IL21R: variants seen among roughly 807,000 people sequenced by gnomAD.
The protein encoded by IL21R is interleukin 21 receptor.
IL21R carries 14 observed loss-of-function variants against 41.3 expected under a neutral mutation model. The ratio of observed to expected loss-of-function variants is 0.34; its 90% CI spans 0.22 to 0.53. IL21R has a LOEUF of 0.53. Among genes scored for constraint, IL21R ranks in the 20% least tolerant of loss-of-function variants. IL21R has a pLI of 0.94. For synonymous variants in IL21R, 286 were observed against 287.6 expected (o/e 0.99, Z 0.05); for missense variants, 588 against 681.6 (o/e 0.86, Z 1.53).
intron 1 of IL21R, among the ~76,000 whole-genome samples, chr16:27,421,761 G>A (rs1267728554): frequency 6.6e-6 from 1 of 151,966 alleles, no homozygotes; most frequent in Non-Finnish European, 1.5e-5. Context: ...TTCGTTTTAG[G>A]TGTAAATTCC....
intron 5 of IL21R, 104 bp from the exon 6 acceptor site, chr16:27,444,438 A>T: frequency 1.4e-6 from 1 of 727,312 alleles, no homozygotes; most frequent in South Asian, 2.9e-5. Context: ...GAGAAGAGAC[A>T]CTCAGCCCCT....
At chr16:27,435,233 C>CA (rs1387985439) in intron 3 of IL21R, among the ~76,000 whole-genome samples, 2 of 151,844 alleles carry the variant, frequency 1.3e-5, no homozygotes, top group Admixed American at 6.6e-5. Flanking sequence ...CCAGCCTGGG[C>CA]AAAAAAGCAA....
intron 5 of IL21R, 26 bp downstream of exon 5, chr16:27,443,142 C>T: frequency 6.3e-7 from 1 of 1,576,514 alleles, no homozygotes; most frequent in Non-Finnish European, 8.6e-7. Context: ...ATCAGTGCAG[C>T]TTTGTGGGAG....
intron 1 of IL21R, among the ~76,000 whole-genome samples, chr16:27,429,099 C>T (rs1041595414): frequency 1.3e-5 from 2 of 152,096 alleles, no homozygotes; most frequent in Non-Finnish European, 2.9e-5. Context: ...TGGCGGCCAC[C>T]TGTATTCCCA....
At position 27,451,105 on chromosome 16, in the gene IL21R, T is replaced by G; in HGVS notation, c.*1822T>G. On this transcript the variant is annotated 3_prime_UTR_variant, in exon 9 of 9. Coordinates refer to ENST00000337929, the MANE Select transcript of IL21R (RefSeq NM_181078.3). ...AGCACAAGAGTGGAAACACAGCTTC[T>G]GCACGGAGCAGGCGCAGCCCTCAAC... The G allele has an allele frequency of 4.3e-6, 1 of 233,134 alleles. No homozygotes were observed. Among genetic ancestry groups the G allele is most frequent in the Non-Finnish European group, 8.5e-6 (1 of 117,990 alleles). The allele number at this position is 233,134 out of a possible 1,614,324, so 14.4% of individuals were successfully genotyped here.
At chr16:27,444,437 C>A in intron 5 of IL21R, 105 bp from the exon 6 acceptor site, 1 of 707,022 alleles carries the variant, frequency 1.4e-6, no homozygotes, top group Non-Finnish European at 2.1e-6. Flanking sequence ...AGAGAAGAGA[C>A]ACTCAGCCCC....
intron 1 of IL21R, among the ~76,000 whole-genome samples, chr16:27,426,694 G>A (rs2141279389): frequency 6.6e-6 from 1 of 152,342 alleles, no homozygotes; most frequent in Non-Finnish European, 1.5e-5. Context: ...CTTCTTCACT[G>A]CCAGGTGCAG....
chr16:27,416,598 A>G (rs1160891679), intron 1 of IL21R, among the ~76,000 whole-genome samples: 3 of 152,174 alleles, frequency 2.0e-5, no homozygotes, highest in Admixed American at 1.3e-4. Context: ...TTTTGTCTGA[A>G]AAAAAATCCT....
intron 1 of IL21R, among the ~76,000 whole-genome samples, chr16:27,407,236 C>T (rs2141256120): frequency 6.6e-6 from 1 of 152,260 alleles, no homozygotes; most frequent in African/African-American, 2.4e-5. Flanking sequence ...GGTCAATTAC[C>T]CAGCCTCTGA....
chr16:27,435,858 T>G (rs1180444133), intron 3 of IL21R, among the ~76,000 whole-genome samples: 1 of 152,064 alleles, frequency 6.6e-6, no homozygotes, highest in Non-Finnish European at 1.5e-5. Context: ...AACCTCCACC[T>G]CCTGGGTTCA....
chr16:27,445,153 A>G, intron 6 of IL21R, 24 bp from the exon 7 acceptor site: 1 of 1,562,290 alleles, frequency 6.4e-7, no homozygotes, highest in African/African-American at 1.4e-5. Context: ...GTGCCATTTA[A>G]CCCTTTCTTT....
At chr16:27,430,687 T>C (rs2087155857) in intron 2 of IL21R, among the ~76,000 whole-genome samples, 1 of 152,056 alleles carries the variant, frequency 6.6e-6, no homozygotes, top group Non-Finnish European at 1.5e-5. Flanking sequence ...TAGGAGCGCA[T>C]GCTTGTAGTC....
chr16:27,440,222 A>AATATATATATATATATATAT (rs60418304), intron 4 of IL21R, among the ~76,000 whole-genome samples: 26 of 75,882 alleles, frequency 3.4e-4, no homozygotes, highest in Non-Finnish European at 5.6e-4. Flanking sequence ...TAATCTGACA[A>AATATATATATATATATATAT]ATATATATAT....
At chr16:27,410,860 C>G (rs2086812612) in intron 1 of IL21R, among the ~76,000 whole-genome samples, 1 of 152,194 alleles carries the variant, frequency 6.6e-6, no homozygotes, top group Non-Finnish European at 1.5e-5. Flanking sequence ...CAGCATTCCA[C>G]TTTCTGTTTC....
chr16:27,440,248 T>TATATATATATATATATAGAGAG (rs1352160946), intron 4 of IL21R, among the ~76,000 whole-genome samples: 9 of 64,042 alleles, frequency 1.4e-4, no homozygotes, highest in Non-Finnish European at 1.9e-4. Flanking sequence ...TATATATATA[T>TATATATATATATATATAGAGAG]AGAGAGAGAG....
intron 1 of IL21R, among the ~76,000 whole-genome samples, chr16:27,418,940 C>T (rs1438054624): frequency 6.6e-6 from 1 of 151,022 alleles, no homozygotes; most frequent in Admixed American, 6.6e-5. Context: ...ACACGCGGGG[C>T]ATGGTGGCTC....
intron 4 of IL21R, among the ~76,000 whole-genome samples, chr16:27,439,221 C>G (rs541193839): frequency 1.5e-4 from 23 of 152,062 alleles, no homozygotes; most frequent in Non-Finnish European, 3.4e-4. Flanking sequence ...GGGTCACAGA[C>G]TCACGCACAC....
intron 1 of IL21R, among the ~76,000 whole-genome samples, chr16:27,429,256 T>C (rs2087127443): frequency 6.9e-6 from 1 of 145,952 alleles, no homozygotes; most frequent in Non-Finnish European, 1.6e-5. Context: ...ATTTACTGGC[T>C]TTTTTTTACA....
chr16:27,404,101 C>A (rs571240405), intron 1 of IL21R, among the ~76,000 whole-genome samples: 65 of 152,252 alleles, frequency 4.3e-4, no homozygotes, highest in African/African-American at 1.4e-3. Flanking sequence ...ATGGGGATGG[C>A]GGAGTATTCA....
Sources: gnomAD v4.1 joint callset for allele counts (sites outside exome capture counted in the v4.1 genomes callset) on GRCh38, gnomAD v4.1.1 for gene constraint, MANE v1.5 for transcripts, NCBI Gene and HGNC (gene_info 2026-07-23, HGNC 2026-07-21) for gene names.